Variants in MUC12 observed in about 807,000 individuals in gnomAD.
MUC12 encodes mucin-12.
In MUC12, 172 loss-of-function variants were observed where a neutral mutation model predicts 230.8. The ratio of observed to expected loss-of-function variants is 0.75; its 90% CI spans 0.66 to 0.85. The LOEUF (loss-of-function observed/expected upper bound fraction) is 0.85. Among genes scored for constraint, MUC12 ranks in the 40% least tolerant of loss-of-function variants. The pLI is 0.00. For missense variants in MUC12, 3,506 were observed against 5,920.6 expected, an observed-to-expected ratio of 0.59 and a Z score of 13.38; for synonymous variants, 1,259 against 2,401.9, an observed-to-expected ratio of 0.52 and a Z score of 13.91.
rs1179078513 is a variant in MUC12, at chr7:100,992,524, T to G, written c.1961T>G (p.Phe654Cys). ...GCACCTCCTACTACCACATCAGCCT[T>G]TGTTGAGCCATCTACAACCTCCCAC... ...RPAPPTTTSAFVEPSTTSHGS... is the reference protein window; with the variant it reads ...RPAPPTTTSACVEPSTTSHGS... The change falls in exon 2 of 12, where the codon TTT becomes TGT. Residue 654 changes from phenylalanine to cysteine, a missense_variant. Coordinates refer to ENST00000536621, the MANE Select transcript of MUC12 (RefSeq NM_001164462.2). The G allele has an allele frequency of 3.3e-6, 5 of 1,537,838 alleles. No homozygotes were observed. In the East Asian group the frequency reaches 1.2e-4, roughly 38 times the overall value.
chr7:100,984,301 G>A (rs1311141931), intron 1 of MUC12, among the ~76,000 whole-genome samples: 1 of 149,928 alleles, frequency 6.7e-6, no homozygotes, highest in Non-Finnish European at 1.5e-5. Context: ...GTGTCACCCA[G>A]GCTAGAGTAC....
intron 1 of MUC12, among the ~76,000 whole-genome samples, chr7:100,984,259 CTTT>C (rs34134351): frequency 5.7e-5 from 8 of 139,680 alleles, no homozygotes; most frequent in Non-Finnish European, 7.8e-5. Flanking sequence ...TACTTTGCAT[CTTT>C]TTTTTTTTTT....
intron 5 of MUC12, among the ~76,000 whole-genome samples, chr7:101,009,361 C>A (rs764596294): frequency 6.6e-6 from 1 of 152,178 alleles, no homozygotes; most frequent in Admixed American, 6.5e-5. Context: ...TGAAAGCCAG[C>A]CCCCTGCTGG....
chr7:101,006,000 G>C lies in MUC12; in HGVS notation c.14957-471G>C, dbSNP rs192077841. Among the ~76,000 whole-genome samples the C allele has an allele frequency of 7.9e-5, 12 of 152,126 alleles. 1 individual carries two copies. The East Asian group carries it at 1.7e-3, about 22-fold the overall frequency. On this transcript the variant is annotated intron_variant, in intron 2 of 11. Transcript: ENST00000536621. ...TTTAGTAGAGACGGGTTTTTACCAT[G>C]TTGACCAAGCTAGTCTCAAACTCCT...
chr7:100,981,218 G>T (rs895079476), intron 1 of MUC12, among the ~76,000 whole-genome samples: 2 of 152,118 alleles, frequency 1.3e-5, no homozygotes, highest in African/African-American at 4.8e-5. Flanking sequence ...TAGCTTCCTT[G>T]TGGAGCACCC....
At position 100,994,064 on chromosome 7, in the gene MUC12, A is replaced by T; in HGVS notation, c.3501A>T (p.Ser1167=). ...CCGTCTACAGCAGCAGCCGAGGCTC[A>T]ACTGAAACCACAGTGTTCCCTCACA... ...STTVYSSSRG[S]TETTVFPHST... Residue 1167 remains serine (S), a synonymous_variant, in exon 2 of 12, where the codon TCA becomes TCT. Coordinates refer to ENST00000536621, the MANE Select transcript of MUC12 (RefSeq NM_001164462.2). The T allele has an allele frequency of 9.8e-7, 1 of 1,022,902 alleles. No individual in the cohort carries two copies. Among genetic ancestry groups the T allele is most frequent in the East Asian group, 4.0e-5 (1 of 25,212 alleles). The allele number at this position is 1,022,902 out of a possible 1,614,324, so 63.4% of individuals were successfully genotyped here.
At chr7:100,976,653 C>G (rs752964774) in intron 1 of MUC12, among the ~76,000 whole-genome samples, 2 of 151,668 alleles carry the variant, frequency 1.3e-5, no homozygotes, top group Non-Finnish European at 2.9e-5. Flanking sequence ...GTGCTGGACA[C>G]TTTTATAATA....
chr7:101,018,544 C>A (rs1793994822), intron 11 of MUC12, 51 bp from the exon 12 acceptor site: 2 of 1,531,508 alleles, frequency 1.3e-6, no homozygotes, highest in Non-Finnish European at 1.8e-6. Flanking sequence ...CTGGGGCTCC[C>A]CCTTTCCCGG....
At chr7:100,988,427 G>A (rs1793228498) in intron 1 of MUC12, among the ~76,000 whole-genome samples, 1 of 152,070 alleles carries the variant, frequency 6.6e-6, no homozygotes, top group African/African-American at 2.4e-5. Flanking sequence ...AGCTTCCTGA[G>A]GCCTCCCTAG....
intron 5 of MUC12, among the ~76,000 whole-genome samples, chr7:101,010,215 G>A (rs1793819545): frequency 6.6e-6 from 1 of 152,106 alleles, no homozygotes; most frequent in Non-Finnish European, 1.5e-5. Flanking sequence ...GGAATGTCAT[G>A]AGGGGTAGAA....
chr7:101,012,714 T>C (rs1324595595), intron 6 of MUC12, 105 bp from the exon 7 acceptor site: 3 of 1,288,848 alleles, frequency 2.3e-6, no homozygotes, highest in Admixed American at 2.0e-5. Context: ...CCCACGGGCA[T>C]TGGCCCAGGG....
chr7:101,009,034 G>A, intron 4 of MUC12, 61 bp from the exon 5 acceptor site: 13 of 1,514,868 alleles, frequency 8.6e-6, no homozygotes, highest in Non-Finnish European at 1.2e-5. Flanking sequence ...CCTCAAGAAG[G>A]GTAACAGGAG....
chr7:100,970,691 G>A lies in MUC12; in HGVS notation c.67+1002G>A, dbSNP rs979047851. Among the ~76,000 whole-genome samples the A allele has an allele frequency of 5.3e-5, 8 of 152,152 alleles. No individual in the cohort carries two copies. In the South Asian group the frequency reaches 6.2e-4, roughly 12 times the overall value. ...AATTGAGACCATCCTAGCCAACATG[G>A]TGAAACCCCAACTCCACCAAAAATA... On this transcript the variant is annotated intron_variant, in intron 1 of 11. Transcript: ENST00000536621.
In MUC12 at chr7:101,004,860, C is replaced by G. The variant is rs1360333016; in HGVS notation, c.14297C>G (p.Pro4766Arg). 1 of 1,537,130 alleles carries G rather than the reference C, an allele frequency of 6.5e-7. No homozygotes were observed. Among genetic ancestry groups the G allele is most frequent in the Non-Finnish European group, 8.7e-7 (1 of 1,146,560 alleles). The change falls in exon 2 of 12, where the codon CCC becomes CGC. Residue 4766 changes from proline to arginine, a missense_variant. Transcript: ENST00000536621. ...ACAAGCTCCAGCATCAGTGGAGAAC[C>G]CACCAGCTTGTATAGCCAAGCAGAG... is the stretch of plus-strand genomic sequence containing the variant. The part of the protein sequence containing the change: ...SMTSSSISGE[P>R]TSLYSQAEST...
At chr7:101,016,308 C>T (rs1004054686) in intron 10 of MUC12, among the ~76,000 whole-genome samples, 1 of 151,816 alleles carries the variant, frequency 6.6e-6, no homozygotes, top group African/African-American at 2.4e-5. Context: ...GGGCTTTGGC[C>T]GCCCACCTTT....
In MUC12 at chr7:100,993,394, C is replaced by A; in HGVS notation, c.2831C>A (p.Ser944Tyr). 3 of 1,026,974 alleles carry A rather than the reference C, an allele frequency of 2.9e-6. 1 individual carries two copies. Among genetic ancestry groups the A allele is most frequent in the Non-Finnish European group, 3.9e-6 (3 of 762,090 alleles). 63.6% of individuals were successfully genotyped at this position (1,026,974 alleles called of 1,614,324 possible). Residue 944 changes from serine (S) to tyrosine (Y), a missense_variant, in exon 2 of 12, where the codon TCC becomes TAC. Transcript: ENST00000536621. ...ACAACCTTCCACAGCAACCCAGGCTCCACTCACACAACACTCTTCCCTGAC... is the reference window on the plus strand; with the variant it reads ...ACAACCTTCCACAGCAACCCAGGCTACACTCACACAACACTCTTCCCTGAC... ...ESTTFHSNPGSTHTTLFPDST... is the reference protein window; with the variant it reads ...ESTTFHSNPGYTHTTLFPDST...
intron 11 of MUC12, 38 bp from the exon 12 acceptor site, chr7:101,018,557 C>A (rs1262833344): frequency 6.5e-7 from 1 of 1,533,038 alleles, no homozygotes; most frequent in Non-Finnish European, 8.7e-7. Flanking sequence ...TTTCCCGGGT[C>A]TGCCCCTTGG....
chr7:101,013,378 A>G (rs1793866464), intron 8 of MUC12, among the ~76,000 whole-genome samples: 2 of 152,180 alleles, frequency 1.3e-5, no homozygotes, highest in African/African-American at 4.8e-5. Flanking sequence ...CTTCCTGAGA[A>G]AGTTCATGCT....
In MUC12 at chr7:100,991,960, C is replaced by G; in HGVS notation, c.1397C>G (p.Thr466Arg). 1 of 1,537,916 alleles carries G rather than the reference C, an allele frequency of 6.5e-7. No individual in the cohort carries two copies. Among genetic ancestry groups the G allele is most frequent in the Non-Finnish European group, 8.7e-7 (1 of 1,147,056 alleles). ...STPSVLVGDS[T>R]PSPISSGSME... ...CCCTCAGTTCTTGTTGGAGACTCGA[C>G]GCCCTCACCCATCAGTTCAGGCTCA... The change falls in exon 2 of 12, where the codon ACG becomes AGG. Residue 466 changes from threonine (T) to arginine (R), a missense_variant. Physicochemically the swap from Thr to Arg is moderately conservative, Grantham distance 71. Transcript: ENST00000536621.
Sources: allele counts gnomAD v4.1 joint callset (sites outside exome capture counted in the v4.1 genomes callset), GRCh38; gene constraint gnomAD v4.1.1; transcripts MANE v1.5; gene names NCBI Gene and HGNC (gene_info 2026-07-23, HGNC 2026-07-21).